The following EHBP1 variants were observed in gnomAD, a reference collection of about 807,000 sequenced individuals.
EHBP1 encodes the protein EH domain binding protein 1, also known as EH domain-binding protein 1.
EHBP1 carries 55 observed loss-of-function variants against 144.0 expected under a neutral mutation model. The observed-to-expected ratio is 0.38, with a 90% confidence interval of 0.31 to 0.48. The LOEUF is 0.48. EHBP1 is among the 20% of genes least tolerant of loss of function. EHBP1 has a pLI of 0.98. For synonymous variants in EHBP1, 469 were observed against 472.7 expected, an observed-to-expected ratio of 0.99 and a Z score of 0.10; for missense variants, 1,200 against 1,364.2, an observed-to-expected ratio of 0.88 and a Z score of 1.90.
chr2:62,813,970 A>G (rs2045253690), intron 5 of EHBP1, among the ~76,000 whole-genome samples: 1 of 152,230 alleles, frequency 6.6e-6, no homozygotes, highest in South Asian at 2.1e-4. Flanking sequence ...ATGAGACTCT[A>G]GACTTTGGAC....
At chr2:62,866,180 T>TAAACTG (rs2050019552) in intron 9 of EHBP1, among the ~76,000 whole-genome samples, 7 of 152,226 alleles carry the variant, frequency 4.6e-5, no homozygotes, top group Admixed American at 3.3e-4. Flanking sequence ...AAATTGGCCC[T>TAAACTG]AAACTGAAAG....
At chr2:62,849,590 CAT>C (rs773471140) in intron 7 of EHBP1, among the ~76,000 whole-genome samples, 16 of 152,000 alleles carry the variant, frequency 1.1e-4, no homozygotes, top group Non-Finnish European at 1.8e-4. Context: ...CATGCATAGA[CAT>C]AGAGATAGAT....
At chr2:62,903,590 C>T (rs1007883086) in intron 10 of EHBP1, among the ~76,000 whole-genome samples, 1 of 152,114 alleles carries the variant, frequency 6.6e-6, no homozygotes, top group African/African-American at 2.4e-5. Context: ...TAGTTAGACC[C>T]TGTCTCTACA....
At chr2:63,024,095 C>T (rs532190833) in intron 19 of EHBP1, among the ~76,000 whole-genome samples, 28 of 152,246 alleles carry the variant, frequency 1.8e-4, no homozygotes, top group Admixed American at 6.5e-4. Context: ...CCTGTAATCC[C>T]AACACTTTGG....
At chr2:62,949,281 A>G in intron 13 of EHBP1, 119 bp downstream of exon 13, 1 of 924,320 alleles carries the variant, frequency 1.1e-6, no homozygotes, top group Non-Finnish European at 1.6e-6. Context: ...TCTATTATAA[A>G]AACTCCTGAG....
intron 10 of EHBP1, 39 bp from the exon 11 acceptor site, chr2:62,942,679 A>T: frequency 6.6e-7 from 1 of 1,516,328 alleles, no homozygotes; most frequent in South Asian, 1.3e-5. Context: ...ATCTTCCATT[A>T]AATTCTTTTA....
intron 9 of EHBP1, among the ~76,000 whole-genome samples, chr2:62,870,732 A>T (rs1157494570): frequency 6.8e-6 from 1 of 147,728 alleles, no homozygotes; most frequent in African/African-American, 2.5e-5. Context: ...AAAAAAAAAA[A>T]AAATACATAT....
chr2:62,751,937 C>T (rs1325787107), intron 3 of EHBP1, among the ~76,000 whole-genome samples: 1 of 151,990 alleles, frequency 6.6e-6, no homozygotes, highest in Non-Finnish European at 1.5e-5. Context: ...AAAACCAGCT[C>T]CTGGATTCAT....
At chr2:62,698,185 T>C (rs2151757372) in intron 1 of EHBP1, among the ~76,000 whole-genome samples, 1 of 152,384 alleles carries the variant, frequency 6.6e-6, no homozygotes, top group East Asian at 1.9e-4. Flanking sequence ...CCTCCTATTC[T>C]TGCTTTAATT....
chr2:62,962,974 A>G (rs1288103244), intron 14 of EHBP1, among the ~76,000 whole-genome samples: 1 of 152,208 alleles, frequency 6.6e-6, no homozygotes, highest in Non-Finnish European at 1.5e-5. Flanking sequence ...TTTCTCACAT[A>G]ACAGGTAGCA....
At chr2:62,769,473 T>C (rs2041460584) in intron 4 of EHBP1, among the ~76,000 whole-genome samples, 1 of 152,014 alleles carries the variant, frequency 6.6e-6, no homozygotes, top group Non-Finnish European at 1.5e-5. Flanking sequence ...ATCTATATGA[T>C]GAAAACTGCA....
chr2:62,747,299 C>T, intron 2 of EHBP1, 96 bp from the exon 3 acceptor site: 1 of 1,034,514 alleles, frequency 9.7e-7, no homozygotes, highest in Non-Finnish European at 1.5e-6. Flanking sequence ...CTTTATGTAG[C>T]CTAAAGCAGA....
intron 9 of EHBP1, among the ~76,000 whole-genome samples, chr2:62,865,703 A>C (rs945627395): frequency 6.6e-6 from 1 of 152,232 alleles, no homozygotes; most frequent in African/African-American, 2.4e-5. Context: ...GACATTGGAC[A>C]CAAACAGCAC....
chr2:62,704,685 T>G (rs1025059032), upstream of EHBP1, among the ~76,000 whole-genome samples: 2 of 152,212 alleles, frequency 1.3e-5, no homozygotes, highest in South Asian at 2.1e-4. Flanking sequence ...ATGCTAGGAT[T>G]CCCCTGAAGT....
chr2:62,834,513 C>A (rs1362833360), intron 7 of EHBP1, among the ~76,000 whole-genome samples: 1 of 152,202 alleles, frequency 6.6e-6, no homozygotes, highest in East Asian at 1.9e-4. Flanking sequence ...TGATTGTTAG[C>A]ATTTTTTAAT....
intron 2 of EHBP1, among the ~76,000 whole-genome samples, chr2:62,720,174 G>A (rs2036086953): frequency 6.6e-6 from 1 of 152,050 alleles, no homozygotes; most frequent in African/African-American, 2.4e-5. Flanking sequence ...AAACAAAATG[G>A]TTAGGTATTT....
intron 7 of EHBP1, 105 bp downstream of exon 7, chr2:62,831,263 T>G (rs1292053866): frequency 8.7e-7 from 1 of 1,152,908 alleles, no homozygotes. Flanking sequence ...GGGTTTCTTT[T>G]TTTTTCTTTA....
chr2:62,764,393 A>G (rs1363103264), intron 4 of EHBP1, 32 bp downstream of exon 4: 5 of 1,468,450 alleles, frequency 3.4e-6, no homozygotes, highest in African/African-American at 1.4e-5. Context: ...TATAGAATTT[A>G]TTATATAACC....
intron 1 of EHBP1, among the ~76,000 whole-genome samples, chr2:62,697,819 A>G (rs1322215310): frequency 1.3e-5 from 2 of 152,242 alleles, no homozygotes; most frequent in African/African-American, 2.4e-5. Context: ...CTGAAAGTTA[A>G]TAAGATATTA....
Sources: gnomAD v4.1 joint callset for allele counts (sites outside exome capture counted in the v4.1 genomes callset) on GRCh38, gnomAD v4.1.1 for gene constraint, MANE v1.5 for transcripts, NCBI Gene and HGNC (gene_info 2026-07-23, HGNC 2026-07-21) for gene names.